Variants in UFL1 observed in about 807,000 individuals in gnomAD.
The protein encoded by UFL1 is E3 UFM1-protein ligase 1.
Under a neutral mutation model 99.3 loss-of-function variants are expected in UFL1, and 78 were observed. The ratio of observed to expected loss-of-function variants is 0.79; its 90% CI spans 0.65 to 0.95. The LOEUF is 0.95. Ranked by LOEUF, UFL1 falls within the 40% of genes least tolerant of loss-of-function variation. UFL1 has a pLI of 0.00. For synonymous variants in UFL1, 335 were observed against 322.2 expected (o/e 1.04, Z -0.42); for missense variants, 936 against 937.0 (o/e 1.00, Z 0.01).
chr6:96,542,314 A>G (rs904734557), intron 11 of UFL1, among the ~76,000 whole-genome samples: 10 of 151,354 alleles, frequency 6.6e-5, no homozygotes, highest in African/African-American at 2.2e-4. Context: ...AGCACGTGTT[A>G]TGTTTCACGC....
Position 96,521,889 on chromosome 6 carries a change from G to C in UFL1, c.16G>C (p.Glu6Gln), listed in dbSNP as rs757866071. The change falls in exon 1 of 19, where the codon GAA becomes CAA. Residue 6 changes from glutamate (E) to glutamine (Q), a missense_variant. Transcript: ENST00000369278. ...TCAGGCCGTGATGGCGGACGCCTGG[G>C]AAGAGATTAGGCGGTTGGCGGCCGA... MADAW[E>Q]EIRRLAADFQ... The C allele has an allele frequency of 1.2e-6, 2 of 1,612,680 alleles. No homozygotes were observed. The highest frequency in any genetic ancestry group is 1.7e-6 in the Non-Finnish European group (2 of 1,179,636).
chr6:96,525,457 G>A, intron 4 of UFL1, 63 bp downstream of exon 4: 1 of 1,344,224 alleles, frequency 7.4e-7, no homozygotes, highest in Non-Finnish European at 1.0e-6. Flanking sequence ...TTTTTATAGT[G>A]TTTAAATTTA....
chr6:96,540,754 T>G (rs1769920125), intron 11 of UFL1, 99 bp downstream of exon 11: 7 of 1,412,194 alleles, frequency 5.0e-6, no homozygotes, highest in Non-Finnish European at 5.7e-6. Flanking sequence ...GCCCTTTGTT[T>G]TATTGATTTA....
At chr6:96,528,886 G>T (rs1210482299) in intron 6 of UFL1, among the ~76,000 whole-genome samples, 3 of 152,096 alleles carry the variant, frequency 2.0e-5, no homozygotes, top group Admixed American at 6.5e-5. Flanking sequence ...ACACACTTTT[G>T]CAGAGTGCAG....
rs1417894870 is a variant in UFL1 at position 96,538,737 on chromosome 6, T to C, written c.1085T>C (p.Val362Ala). The C allele has an allele frequency of 6.2e-7, 1 of 1,611,480 alleles. No individual in the cohort carries two copies. Among genetic ancestry groups the C allele is most frequent in the South Asian group, 1.1e-5 (1 of 90,994 alleles). Residue 362 changes from valine to alanine, a missense_variant, in exon 10 of 19, where the codon GTT becomes GCT. By Grantham distance (64) the Val-to-Ala change is moderately conservative. Coordinates refer to ENST00000369278, the MANE Select transcript of UFL1 (RefSeq NM_015323.5). ...QASTVVFSDTVVVSEKFINDC... is the reference protein window; with the variant it reads ...QASTVVFSDTAVVSEKFINDC... ...TCAACTGTAGTCTTTAGCGACACTGTTGTAGTCAGTGAAAAATTTATAAAT... is the reference window on the plus strand; with the variant it reads ...TCAACTGTAGTCTTTAGCGACACTGCTGTAGTCAGTGAAAAATTTATAAAT...
At chr6:96,534,397 G>GT in intron 7 of UFL1, 76 bp downstream of exon 7, 1 of 1,165,858 alleles carries the variant, frequency 8.6e-7, no homozygotes, top group Admixed American at 2.8e-5. Flanking sequence ...TAACTTTAAT[G>GT]TTTTTTCCTC....
At chr6:96,542,027 CTTTAT>C (rs1769937755) in intron 11 of UFL1, among the ~76,000 whole-genome samples, 2 of 150,944 alleles carry the variant, frequency 1.3e-5, no homozygotes, top group Admixed American at 1.3e-4. Flanking sequence ...TTAGTAATCA[CTTTAT>C]TTTATTAAAA....
chr6:96,524,716 G>A (rs909894033), intron 3 of UFL1, among the ~76,000 whole-genome samples: 5 of 152,100 alleles, frequency 3.3e-5, no homozygotes, highest in African/African-American at 1.2e-4. Context: ...TTTTATGTAA[G>A]TATAGAGTTT....
At chr6:96,541,791 C>T (rs1769935020) in intron 11 of UFL1, among the ~76,000 whole-genome samples, 1 of 151,070 alleles carries the variant, frequency 6.6e-6, no homozygotes, top group South Asian at 2.1e-4. Flanking sequence ...AGTGATAATG[C>T]TATTGTATTA....
chr6:96,548,393 C>T, intron 13 of UFL1, 112 bp downstream of exon 13: 1 of 698,678 alleles, frequency 1.4e-6, no homozygotes, highest in Non-Finnish European at 2.2e-6. Context: ...TCATTTCAAA[C>T]TTGGAATTTA....
At position 96,553,882 on chromosome 6, in the gene UFL1, A is replaced by T. The variant is rs1770117730; in HGVS notation, c.*379A>T. ...ATTCATTTGTTGCGAGTGCCAGTATACTTAAATGTATACTTTATATACATT... is the reference window on the plus strand; with the variant it reads ...ATTCATTTGTTGCGAGTGCCAGTATTCTTAAATGTATACTTTATATACATT... On this transcript the variant is annotated 3_prime_UTR_variant, in exon 19 of 19. Transcript: ENST00000369278. 1 of 167,032 alleles carries T rather than the reference A, an allele frequency of 6.0e-6. No homozygotes were observed. The highest frequency in any genetic ancestry group is 2.4e-5 in the African/African-American group (1 of 41,908). 10.3% of individuals were successfully genotyped at this position (167,032 alleles called of 1,614,324 possible). A position where few individuals can be genotyped will look rare whatever the true frequency, so the allele number is the denominator to read the frequency against.
At chr6:96,553,167 A>G (rs1430623284) in intron 18 of UFL1, 118 bp from the exon 19 acceptor site, 3 of 834,732 alleles carry the variant, frequency 3.6e-6, no homozygotes, top group African/African-American at 1.7e-5. Flanking sequence ...TGCTACTTAC[A>G]TGGCCAGTTT....
In UFL1 at chr6:96,528,547, C is replaced by T; in HGVS notation, c.511C>T (p.Leu171Phe). 1.9e-6 allele frequency: 3 copies of T among 1,613,820 alleles called. No homozygotes were observed. In the South Asian group the frequency reaches 3.3e-5, roughly 18 times the overall value. ...LGRIISGHIDLDNRGVIFTEA... is the reference protein window; with the variant it reads ...LGRIISGHIDFDNRGVIFTEA... ...TAGAATTATCAGTGGACATATTGATCTTGATAATAGAGGAGTAATTTTTAC... is the reference window on the plus strand; with the variant it reads ...TAGAATTATCAGTGGACATATTGATTTTGATAATAGAGGAGTAATTTTTAC... Residue 171 changes from leucine to phenylalanine, a missense_variant, in exon 6 of 19, where the codon CTT (leucine) becomes TTT (phenylalanine). Leu to Phe is a conservative substitution (Grantham distance 22, BLOSUM62 0). Coordinates refer to ENST00000369278, the MANE Select transcript of UFL1 (RefSeq NM_015323.5).
intron 11 of UFL1, among the ~76,000 whole-genome samples, chr6:96,542,290 G>T (rs1476274166): frequency 6.6e-6 from 1 of 150,990 alleles, no homozygotes; most frequent in East Asian, 1.9e-4. Flanking sequence ...AATATTCATG[G>T]TCAACATTTA....
intron 12 of UFL1, among the ~76,000 whole-genome samples, chr6:96,543,635 A>G (rs1485285108): frequency 1.3e-5 from 2 of 151,176 alleles, no homozygotes; most frequent in African/African-American, 4.8e-5. Flanking sequence ...AAAAAGGATG[A>G]AAACATCTTA....
chr6:96,523,093 G>T, intron 1 of UFL1, 53 bp from the exon 2 acceptor site: 1 of 1,507,238 alleles, frequency 6.6e-7, no homozygotes. Context: ...TAATTTTATT[G>T]AGCGCCAATG....
In UFL1 at chr6:96,551,452, G is replaced by T; in HGVS notation, c.1838G>T (p.Ser613Ile). 1 of 1,521,696 alleles carries T rather than the reference G, an allele frequency of 6.6e-7. No homozygotes were observed. The highest frequency in any genetic ancestry group is 1.2e-5 in the South Asian group (1 of 80,880). 94.3% of individuals were successfully genotyped at this position (1,521,696 alleles called of 1,614,324 possible). Residue 613 changes from serine (S) to isoleucine (I), a missense_variant, in exon 16 of 19, where the codon AGT (serine) becomes ATT (isoleucine). Physicochemically the swap from Ser to Ile is moderately radical, Grantham distance 142. Coordinates refer to ENST00000369278, the MANE Select transcript of UFL1 (RefSeq NM_015323.5). ...ITSEIRKKIL[S>I]KLSEETKVAL... ...CTACAGATAAGAAAGAAAATTTTAAGTAAATTATCAGAAGAAACCAAAGTA... is the reference window on the plus strand; with the variant it reads ...CTACAGATAAGAAAGAAAATTTTAATTAAATTATCAGAAGAAACCAAAGTA...
At chr6:96,539,563 T>C (rs1769902567) in intron 10 of UFL1, among the ~76,000 whole-genome samples, 1 of 151,654 alleles carries the variant, frequency 6.6e-6, no homozygotes. Flanking sequence ...AGTATACATG[T>C]TTGATGTCAG....
intron 3 of UFL1, 70 bp from the exon 4 acceptor site, chr6:96,525,227 T>A (rs753430158): frequency 1.6e-6 from 2 of 1,228,240 alleles, no homozygotes; most frequent in African/African-American, 3.1e-5. Context: ...AATATAGTTC[T>A]AAGTATATAA....
Sources: gnomAD v4.1 joint callset for allele counts (sites outside exome capture counted in the v4.1 genomes callset) on GRCh38, gnomAD v4.1.1 for gene constraint, MANE v1.5 for transcripts, NCBI Gene and HGNC (gene_info 2026-07-23, HGNC 2026-07-21) for gene names.